SETD1B: variants seen among roughly 807,000 people sequenced by gnomAD.
SETD1B encodes SET domain containing 1B, histone lysine methyltransferase.
A neutral mutation model predicts 148.0 loss-of-function variants in SETD1B; 7 were observed. The ratio of observed to expected loss-of-function variants is 0.05; its 90% confidence interval spans 0.03 to 0.09. The LOEUF (loss-of-function observed/expected upper bound fraction) is 0.09. Among genes scored for constraint, SETD1B ranks in the 10% least tolerant of loss-of-function variants. The pLI, the probability that SETD1B is intolerant of heterozygous loss-of-function variation, is 1.00. For missense variants in SETD1B, 2,155 were observed against 2,729.9 expected (o/e 0.79, Z 4.69); for synonymous variants, 1,361 against 1,186.5 (o/e 1.15, Z -3.02).
At chr12:121,828,690 C>T (rs572329368) in intron 16 of SETD1B, among the ~76,000 whole-genome samples, 8 of 152,304 alleles carry the variant, frequency 5.3e-5, no homozygotes, top group South Asian at 4.1e-4. Flanking sequence ...AGGCATGTTC[C>T]GGGGTGGATG....
At chr12:121,812,846 C>T (rs910040335) in intron 6 of SETD1B, among the ~76,000 whole-genome samples, 1 of 152,102 alleles carries the variant, frequency 6.6e-6, no homozygotes, top group Non-Finnish European at 1.5e-5. Flanking sequence ...TTTGGGTAGT[C>T]TCCGTCCTCC....
chr12:121,821,660 A>G (rs975704992), intron 11 of SETD1B, among the ~76,000 whole-genome samples: 1 of 151,770 alleles, frequency 6.6e-6, no homozygotes, highest in African/African-American at 2.4e-5. Context: ...CTGAGGAAGG[A>G]GAATTGCTTG....
At chr12:121,800,733 G>C (rs1390256768), upstream of SETD1B, 1 of 147,954 alleles carries the variant, frequency 6.8e-6, no homozygotes, top group Admixed American at 6.7e-5. Flanking sequence ...CGCCGCGCCC[G>C]GCTGAGGCGA....
chr12:121,823,836 G>T, intron 12 of SETD1B, 87 bp downstream of exon 12: 2 of 1,453,376 alleles, frequency 1.4e-6, no homozygotes, highest in Non-Finnish European at 1.8e-6. Context: ...CCAGTCTGTA[G>T]CAGCCCGCGG....
intron 7 of SETD1B, among the ~76,000 whole-genome samples, chr12:121,816,294 T>C (rs1201551441): frequency 1.3e-5 from 2 of 150,542 alleles, no homozygotes; most frequent in African/African-American, 4.9e-5. Flanking sequence ...ACCGTGGTTA[T>C]GAGTTTGAGT....
At chr12:121,819,359 C>T in intron 10 of SETD1B, 45 bp from the exon 11 acceptor site, 2 of 1,549,580 alleles carry the variant, frequency 1.3e-6, no homozygotes, top group African/African-American at 1.4e-5. Context: ...GGGGCTGGGG[C>T]ACAGCGGGTC....
Position 121,806,065 on chromosome 12 carries a change from C to T in SETD1B, c.504C>T (p.Ser168=), listed in dbSNP as rs1875724252. 7.1e-6 allele frequency: 11 copies of T among 1,551,548 alleles called. No individual in the cohort carries two copies. Among genetic ancestry groups the T allele is most frequent in the Middle Eastern group, 1.7e-4 (1 of 6,014 alleles). The change falls in exon 4 of 17, where the codon TCC becomes TCT. Residue 168 remains serine, a synonymous_variant. Coordinates refer to ENST00000604567, the MANE Select transcript of SETD1B (RefSeq NM_001353345.2). ...CCGTTCAGCACTTGCACAGCACTTC[C>T]GTCATGGGCAACATTATCCACGTGG... ...KDAVQHLHST[S]VMGNIIHVEL...
chr12:121,814,359 C>T lies in SETD1B; in HGVS notation c.2144C>T (p.Pro715Leu). The T allele has an allele frequency of 1.4e-6, 1 of 724,330 alleles. No individual in the cohort carries two copies. Among genetic ancestry groups the T allele is most frequent in the Non-Finnish European group, 2.1e-6 (1 of 476,430 alleles). 44.9% of individuals were successfully genotyped at this position (724,330 alleles called of 1,614,324 possible). The change falls in exon 7 of 17, where the codon CCA becomes CTA. Residue 715 changes from proline to leucine, a missense_variant. Pro to Leu is a moderately conservative substitution (Grantham distance 98). Transcript: ENST00000604567. ...MPPPLPPPPP[P>L]PPPAHPAVTV... ...CCACCGCTGCCCCCACCGCCGCCCC[C>T]ACCCCCTCCAGCCCACCCTGCTGTG...
At position 121,823,628 on chromosome 12, in the gene SETD1B, C is replaced by T. The variant is rs1404993038; in HGVS notation, c.5049C>T (p.Asp1683=). The T allele has an allele frequency of 3.2e-6, 5 of 1,551,612 alleles. No individual in the cohort carries two copies. Among genetic ancestry groups the T allele is most frequent in the African/African-American group, 1.4e-5 (1 of 73,172 alleles). The change falls in exon 12 of 17, where the codon GAC becomes GAT. Residue 1683 remains aspartate, a synonymous_variant. Coordinates refer to ENST00000604567, the MANE Select transcript of SETD1B (RefSeq NM_001353345.2). The part of the protein sequence containing the change: ...SEFEEMTILY[D]IWNGGIDEED... ...TTGAGGAGATGACCATCCTGTATGA[C>T]ATCTGGAACGGTGGCATCGATGAGG... is the stretch of plus-strand genomic sequence containing the variant.
rs1324368129 is a variant in SETD1B at position 121,831,344 on chromosome 12, A to G, written c.*1105A>G. On this transcript the variant is annotated 3_prime_UTR_variant, in exon 17 of 17. Coordinates refer to ENST00000604567, the MANE Select transcript of SETD1B (RefSeq NM_001353345.2). ...TCGGAGGGAGCAGATTACTTCTCCC[A>G]GAGAAAGGAAAATCTTGGAAAAGAT... The G allele has an allele frequency of 6.6e-6, 1 of 151,962 alleles. No homozygotes were observed. The highest frequency in any genetic ancestry group is 1.5e-5 in the Non-Finnish European group (1 of 68,004). The allele number at this position is 151,962 out of a possible 1,614,324, so 9.4% of individuals were successfully genotyped here. A position where few individuals can be genotyped will look rare whatever the true frequency, so the allele number is the denominator to read the frequency against.
chr12:121,805,761 G>T lies in SETD1B; in HGVS notation c.274-74G>T. ...TCAACGGGTGGGCGAGTTGCGGGCGGGGCGGGGGGGATGTTGTGTTTTCCC... is the reference window on the plus strand; with the variant it reads ...TCAACGGGTGGGCGAGTTGCGGGCGTGGCGGGGGGGATGTTGTGTTTTCCC... On this transcript the variant is annotated intron_variant, in intron 3 of 16. Transcript: ENST00000604567. The surrounding 1 kb of genome is among the most constrained non-coding windows in gnomAD (Gnocchi z 4.2). The T allele has an allele frequency of 7.1e-7, 1 of 1,405,532 alleles. No homozygotes were observed. The highest frequency in any genetic ancestry group is 2.5e-5 in the East Asian group (1 of 39,494). The allele number at this position is 1,405,532 out of a possible 1,614,324, so 87.1% of individuals were successfully genotyped here.
rs371971255 is a variant in SETD1B at position 121,822,592 on chromosome 12, C to T, written c.4013C>T (p.Pro1338Leu). ...CCACCCCGGCCACCCAGCCCACCGCCGGAGCCTGAGACCACAGATGCCTCA... is the reference window on the plus strand; with the variant it reads ...CCACCCCGGCCACCCAGCCCACCGCTGGAGCCTGAGACCACAGATGCCTCA... ...PRPPRPPSPP[P>L]EPETTDASHP... The change falls in exon 12 of 17, where the codon CCG (proline) becomes CTG (leucine). Residue 1338 changes from proline to leucine, a missense_variant. By Grantham distance (98) the Pro-to-Leu change is moderately conservative. Transcript: ENST00000604567. 95 of 1,551,460 alleles carry T rather than the reference C, an allele frequency of 6.1e-5. 2 individuals carry two copies. Among genetic ancestry groups the T allele is most frequent in the Middle Eastern group, 5.0e-4 (3 of 5,992 alleles).
In SETD1B at chr12:121,814,508, G is replaced by A; in HGVS notation, c.2293G>A (p.Gly765Ser). ...VMQVDMSHVL[G>S]GQWGGMPMSF... ...GCAGGTGGACATGAGCCACGTGCTGGGTGGCCAGTGGGGCGGCATGCCCAT... is the reference window on the plus strand; with the variant it reads ...GCAGGTGGACATGAGCCACGTGCTGAGTGGCCAGTGGGGCGGCATGCCCAT... Residue 765 changes from glycine to serine, a missense_variant, in exon 7 of 17, where the codon GGT (glycine) becomes AGT (serine). Transcript: ENST00000604567. 1 of 1,466,268 alleles carries A rather than the reference G, an allele frequency of 6.8e-7. No individual in the cohort carries two copies. Among genetic ancestry groups the A allele is most frequent in the Middle Eastern group, 1.8e-4 (1 of 5,488 alleles). The allele number at this position is 1,466,268 out of a possible 1,614,324, so 90.8% of individuals were successfully genotyped here.
rs1329913710 is a variant in SETD1B at position 121,830,024 on chromosome 12, T to C, written c.5728-42T>C. Reference sequence around the variant, plus strand: ...GGGGGTCTGCAGTGGTGGGGGACCCTGGGGGACCAGGGGCTCATTCTCCCC... The same window carrying C: ...GGGGGTCTGCAGTGGTGGGGGACCCCGGGGGACCAGGGGCTCATTCTCCCC... On this transcript the variant is annotated intron_variant, in intron 16 of 16. Transcript: ENST00000604567. The surrounding 1 kb of genome is among the most constrained non-coding windows in gnomAD (Gnocchi z 5.7). 11 of 1,530,040 alleles carry C rather than the reference T, an allele frequency of 7.2e-6. No individual in the cohort carries two copies. The highest frequency in any genetic ancestry group is 3.7e-5 in the South Asian group (3 of 82,060). 94.8% of individuals were successfully genotyped at this position (1,530,040 alleles called of 1,614,324 possible).
At chr12:121,793,594 C>A in the SETD1B span, 2 of 1,551,528 alleles carry the variant, frequency 1.3e-6, no homozygotes, top group African/African-American at 1.4e-5. Flanking sequence ...CTGCCCGGAC[C>A]GGGGGCGGCG....
Position 121,819,538 on chromosome 12 carries a change from G to A in SETD1B, c.3553G>A (p.Glu1185Lys), listed in dbSNP as rs1472072287. Residue 1185 changes from glutamate to lysine, a missense_variant, in exon 11 of 17, where the codon GAA becomes AAA. Transcript: ENST00000604567. ...SEDEEEVVAREEEEEEEEEEM... is the reference protein window; with the variant it reads ...SEDEEEVVARKEEEEEEEEEM... ...GGATGAGGAGGAGGTAGTGGCCAGG[G>A]AAGAGGAGGAAGAAGAGGAGGAGGA... The A allele has an allele frequency of 1.9e-6, 3 of 1,551,542 alleles. No homozygotes were observed. Among genetic ancestry groups the A allele is most frequent in the East Asian group, 2.4e-5 (1 of 40,958 alleles).
intron 11 of SETD1B, 36 bp downstream of exon 11, chr12:121,819,931 G>T: frequency 6.6e-7 from 1 of 1,518,828 alleles, no homozygotes; most frequent in Non-Finnish European, 8.9e-7. Flanking sequence ...GTGGTGGGAG[G>T]GAGGCAGGAA....
rs1053754777 is a variant in SETD1B at position 121,822,512 on chromosome 12, G to A, written c.3933G>A (p.Pro1311=). 50 of 1,545,918 alleles carry A rather than the reference G, an allele frequency of 3.2e-5. No individual in the cohort carries two copies. The highest frequency in any genetic ancestry group is 5.5e-5 in the African/African-American group (4 of 72,822). The part of the protein sequence containing the change: ...RAPEHDLEVE[P]EPPMMLPLPL... Reference sequence around the variant, plus strand: ...CAGAACATGACCTGGAAGTGGAGCCGGAGCCCCCTATGATGCTCCCCTTGC... The same window carrying A: ...CAGAACATGACCTGGAAGTGGAGCCAGAGCCCCCTATGATGCTCCCCTTGC... Residue 1311 remains proline (P), a synonymous_variant, in exon 12 of 17, where the codon CCG becomes CCA. Coordinates refer to ENST00000604567, the MANE Select transcript of SETD1B (RefSeq NM_001353345.2).
At position 121,817,212 on chromosome 12, in the gene SETD1B, G is replaced by A. The variant is rs1337321510; in HGVS notation, c.2895G>A (p.Lys965=). 2 of 1,550,792 alleles carry A rather than the reference G, an allele frequency of 1.3e-6. No homozygotes were observed. The highest frequency in any genetic ancestry group is 1.7e-6 in the Non-Finnish European group (2 of 1,146,944). The change falls in exon 8 of 17, where the codon AAG becomes AAA. Residue 965 remains lysine, a synonymous_variant. Transcript: ENST00000604567. This position sits in a 1 kb window ranked among gnomAD's most constrained non-coding sequence, Gnocchi z 8.1. ...GAIRLPSFKV[K]RKEPPDTTSS... ...TTCGCCTGCCCTCCTTCAAGGTCAAGAGGAAGGAGCCACCAGACACCACCT... is the reference window on the plus strand; with the variant it reads ...TTCGCCTGCCCTCCTTCAAGGTCAAAAGGAAGGAGCCACCAGACACCACCT...
Sources: allele counts gnomAD v4.1 joint callset (sites outside exome capture counted in the v4.1 genomes callset), GRCh38; gene constraint gnomAD v4.1.1; non-coding constraint Gnocchi (gnomAD v3.1); transcripts MANE v1.5; gene names NCBI Gene and HGNC (gene_info 2026-07-23, HGNC 2026-07-21).